Variants in ACSS1 observed in about 807,000 individuals in gnomAD.
ACSS1 encodes acetyl-coenzyme A synthetase 2-like, mitochondrial.
Under a neutral mutation model 75.3 loss-of-function variants are expected in ACSS1, and 42 were observed. That is an observed-to-expected ratio of 0.56 (90% CI 0.44 to 0.72). ACSS1 has a LOEUF of 0.72. ACSS1 is among the 30% of genes least tolerant of loss of function. The pLI is 0.00. For synonymous variants in ACSS1, 380 were observed against 376.8 expected (o/e 1.01, Z -0.10); for missense variants, 782 against 935.7 (o/e 0.84, Z 2.14).
chr20:25,015,044 C>G, intron 8 of ACSS1, 94 bp downstream of exon 8: 1 of 1,103,578 alleles, frequency 9.1e-7, no homozygotes, highest in East Asian at 2.5e-5. Flanking sequence ...TTCTATCGCA[C>G]CTGCTGTTGA....
At chr20:25,036,523 G>A (rs538602077) in intron 2 of ACSS1, among the ~76,000 whole-genome samples, 19 of 150,312 alleles carry the variant, frequency 1.3e-4, no homozygotes, top group Non-Finnish European at 2.4e-4. Flanking sequence ...GAAATACACT[G>A]GTATTTATTT....
At chr20:25,023,745 A>T in intron 3 of ACSS1, 104 bp from the exon 4 acceptor site, 5 of 1,152,152 alleles carry the variant, frequency 4.3e-6, no homozygotes, top group South Asian at 1.6e-5. Flanking sequence ...TGAGAAACTC[A>T]GTCCAATCTT....
intron 3 of ACSS1, among the ~76,000 whole-genome samples, chr20:25,029,026 A>G (rs1227677101): frequency 6.6e-6 from 1 of 152,232 alleles, no homozygotes; most frequent in Non-Finnish European, 1.5e-5. Flanking sequence ...TAAAAAATAG[A>G]TAAATTAGAC....
At position 25,058,075 on chromosome 20, in the gene ACSS1, C is replaced by T. The variant is rs9967918; in HGVS notation, c.28G>A (p.Val10Ile). MAARTLGRG[V>I]GRLLGSLRGL... ...CGCAGGCTGCCCAGCAGCCTCCCGA[C>T]GCCGCGGCCCAGGGTGCGCGCCGCC... The change falls in exon 1 of 14, where the codon GTC becomes ATC. Residue 10 changes from valine (V) to isoleucine (I), a missense_variant. Around this residue, in one of 2 missense-constraint regions of ACSS1, gnomAD observed 377 missense variants for 383.1 expected, o/e 0.98. Transcript: ENST00000323482. The T allele has an allele frequency of 6.3e-5, 80 of 1,265,420 alleles. No homozygotes were observed. Among genetic ancestry groups the T allele is most frequent in the Non-Finnish European group, 7.9e-5 (80 of 1,009,372 alleles). The allele number at this position is 1,265,420 out of a possible 1,614,324, so 78.4% of individuals were successfully genotyped here. A position where few individuals can be genotyped will look rare whatever the true frequency, so the allele number is the denominator to read the frequency against.
At chr20:25,027,559 A>G (rs1276909751) in intron 3 of ACSS1, among the ~76,000 whole-genome samples, 1 of 152,248 alleles carries the variant, frequency 6.6e-6, no homozygotes, top group Non-Finnish European at 1.5e-5. Flanking sequence ...ACGCAGAGCA[A>G]GCATTTGACA....
At chr20:25,013,760 T>A in intron 9 of ACSS1, 98 bp from the exon 10 acceptor site, 2 of 1,481,156 alleles carry the variant, frequency 1.4e-6, no homozygotes, top group Non-Finnish European at 1.8e-6. Context: ...TGTCCATAGC[T>A]CTCCCCTCTG....
chr20:25,036,373 C>A (rs551185898), intron 2 of ACSS1, among the ~76,000 whole-genome samples: 8 of 152,262 alleles, frequency 5.3e-5, no homozygotes, highest in African/African-American at 1.7e-4. Flanking sequence ...AATCTGACTG[C>A]AAGTAATTGT....
intron 1 of ACSS1, among the ~76,000 whole-genome samples, chr20:25,049,659 G>A (rs1267325013): frequency 6.6e-6 from 1 of 152,180 alleles, no homozygotes; most frequent in Admixed American, 6.5e-5. Flanking sequence ...AGAGCAGCCT[G>A]GGGCTGAAAC....
chr20:25,057,193 A>AGGCCCGC, intron 1 of ACSS1, among the ~76,000 whole-genome samples: 1 of 152,318 alleles, frequency 6.6e-6, no homozygotes, highest in African/African-American at 2.4e-5. Context: ...CCCAGGCCCC[A>AGGCCCGC]GGCCCGCAGC....
At chr20:25,032,480 C>A in intron 2 of ACSS1, 1 of 1,314,314 alleles carries the variant, frequency 7.6e-7, no homozygotes, top group Non-Finnish European at 9.7e-7. Context: ...CACTTTCCCA[C>A]TCTTGCTGTA....
intron 1 of ACSS1, among the ~76,000 whole-genome samples, chr20:25,048,687 T>G (rs1600349349): frequency 6.6e-6 from 1 of 152,166 alleles, no homozygotes; most frequent in African/African-American, 2.4e-5. Context: ...AGGACCCAAC[T>G]CCCCCACGTG....
Position 25,012,889 on chromosome 20 carries a change from G to A in ACSS1, c.1630C>T (p.Gln544Ter), listed in dbSNP as rs1346861213. 1.2e-6 allele frequency: 2 copies of A among 1,614,040 alleles called. No individual in the cohort carries two copies. The highest frequency in any genetic ancestry group is 1.7e-6 in the Non-Finnish European group (2 of 1,180,048). ...GAYRTEGGYY[Q>*]ITGRMDDVIN... ...ACATCATCCATCCGCCCTGTGATCT[G>A]GTAATAGCCGCCCTCAGTTCGGTAA... is the stretch of plus-strand genomic sequence containing the variant. Residue 544 changes from glutamine (Q) to a stop codon, truncating the protein, a stop_gained, in exon 11 of 14, where the codon CAG (glutamine) becomes TAG (stop). Coordinates refer to ENST00000323482, the MANE Select transcript of ACSS1 (RefSeq NM_032501.4). LOFTEE classifies it high-confidence loss of function.
intron 7 of ACSS1, among the ~76,000 whole-genome samples, chr20:25,018,982 C>A (rs536835062): frequency 4.2e-4 from 64 of 152,342 alleles, no homozygotes; most frequent in African/African-American, 1.4e-3. Context: ...GTGAGCTCTG[C>A]AGGGCACAGC....
At position 25,048,201 on chromosome 20, in the gene ACSS1, G is replaced by A. The variant is rs770191192; in HGVS notation, c.335-20C>T. On this transcript the variant is annotated intron_variant, in intron 1 of 13. Transcript: ENST00000323482. ...AGTTGACTGTACAAAAAGAGGGTTT[G>A]CGGATGTTACACTTGGTGCTTTTTG... 6.2e-6 allele frequency: 10 copies of A among 1,608,674 alleles called. No individual in the cohort carries two copies. The highest frequency in any genetic ancestry group is 8.5e-6 in the Non-Finnish European group (10 of 1,177,868).
chr20:25,026,830 T>A (rs2088727814), intron 3 of ACSS1, among the ~76,000 whole-genome samples: 1 of 152,192 alleles, frequency 6.6e-6, no homozygotes, highest in Non-Finnish European at 1.5e-5. Context: ...GGCAGAGTCC[T>A]CTTCAGGACA....
rs1416325975 is a variant in ACSS1 at position 25,048,187 on chromosome 20, CA to C, written c.335-7del. On this transcript the variant is annotated splice_region_variant and splice_polypyrimidine_tract_variant and intron_variant, in intron 1 of 13. Transcript: ENST00000323482. ...ATGCTGGTCCAAGCAGTTGACTGTA[CA>C]AAAAGAGGGTTTGCGGATGTTACAC... 3.1e-6 allele frequency: 5 copies of C among 1,611,490 alleles called. No individual in the cohort carries two copies. The Admixed American group carries it at 8.4e-5, about 27-fold the overall frequency.
At chr20:25,039,163 C>A (rs889372067) in intron 2 of ACSS1, among the ~76,000 whole-genome samples, 3 of 152,184 alleles carry the variant, frequency 2.0e-5, no homozygotes, top group African/African-American at 7.2e-5. Flanking sequence ...AGGTTCTGAG[C>A]TCCCCTTCCC....
intron 3 of ACSS1, among the ~76,000 whole-genome samples, chr20:25,026,204 C>T (rs1460547571): frequency 2.0e-5 from 3 of 152,226 alleles, no homozygotes; most frequent in African/African-American, 7.2e-5. Flanking sequence ...GCCTAGCGGT[C>T]AGACTCACAA....
chr20:25,024,250 C>G lies in ACSS1; in HGVS notation c.632-609G>C, dbSNP rs1000492287. On this transcript the variant is annotated intron_variant, in intron 3 of 13. Transcript: ENST00000323482. Reference sequence around the variant, plus strand: ...TCTTCAATGACCAATGTTGCTCAGCCAGGCCCAGGGGGAAGCCAGGAGGAC... The same window carrying G: ...TCTTCAATGACCAATGTTGCTCAGCGAGGCCCAGGGGGAAGCCAGGAGGAC... 2.0e-5 allele frequency among the ~76,000 whole-genome samples: 3 copies of G among 152,328 alleles called. No homozygotes were observed. The East Asian group carries it at 5.8e-4, about 29-fold the overall frequency.
Sources: gnomAD v4.1 joint callset for allele counts (sites outside exome capture counted in the v4.1 genomes callset) on GRCh38, gnomAD v4.1.1 for gene constraint, gnomAD v4.1.1 regional missense constraint, MANE v1.5 for transcripts, NCBI Gene and HGNC (gene_info 2026-07-23, HGNC 2026-07-21) for gene names.